ANO8: variants seen among roughly 807,000 people sequenced by gnomAD.
ANO8 encodes the protein anoctamin 8, also known as anoctamin-8.
ANO8 carries 67 observed loss-of-function variants against 120.4 expected under a neutral mutation model. The observed-to-expected ratio is 0.56, with a 90% confidence interval of 0.46 to 0.68. ANO8 has a LOEUF of 0.68. Among genes scored for constraint, ANO8 ranks in the 30% least tolerant of loss-of-function variants. The probability of loss-of-function intolerance (pLI) is 0.00; values close to 1 mark genes in which losing one functional copy is unlikely to be tolerated. For synonymous variants in ANO8, 727 were observed against 759.2 expected (o/e 0.96, Z 0.70); for missense variants, 1,526 against 1,737.6 (o/e 0.88, Z 2.16).
Position 17,333,383 on chromosome 19 carries a change from G to T in ANO8, c.350+39C>A. ...GGCACTTGGTAGAGCGGGGAGTCGGGTGGCAGGCTCAGCGAGAGGCCAGGG... is the reference window on the plus strand; with the variant it reads ...GGCACTTGGTAGAGCGGGGAGTCGGTTGGCAGGCTCAGCGAGAGGCCAGGG... On this transcript the variant is annotated intron_variant, in intron 3 of 17. Coordinates refer to ENST00000159087, the MANE Select transcript of ANO8 (RefSeq NM_020959.3). The surrounding 1 kb of genome is among the most constrained non-coding windows in gnomAD (Gnocchi z 7.2). The T allele has an allele frequency of 1.2e-6, 2 of 1,613,068 alleles. No homozygotes were observed. Among genetic ancestry groups the T allele is most frequent in the Non-Finnish European group, 1.7e-6 (2 of 1,179,702 alleles).
Position 17,332,913 on chromosome 19 carries a change from GA to G in ANO8, c.586+16del, listed in dbSNP as rs761200174. ...CAACTCTCTGCCTGTGATTGGTGTT[GA>G]CCCCGCCCTGCTCACTGATTGGCTG... On this transcript the variant is annotated intron_variant, in intron 5 of 17. Coordinates refer to ENST00000159087, the MANE Select transcript of ANO8 (RefSeq NM_020959.3). 1 of 1,613,392 alleles carries G rather than the reference GA, an allele frequency of 6.2e-7. No homozygotes were observed. Among genetic ancestry groups the G allele is most frequent in the Non-Finnish European group, 8.5e-7 (1 of 1,179,824 alleles).
chr19:17,323,822 G>A lies in ANO8; in HGVS notation c.3394C>T (p.Pro1132Ser). 1 of 1,137,192 alleles carries A rather than the reference G, an allele frequency of 8.8e-7. No homozygotes were observed. The highest frequency in any genetic ancestry group is 4.8e-5 in the Admixed American group (1 of 20,666). The allele number at this position is 1,137,192 out of a possible 1,614,324, so 70.4% of individuals were successfully genotyped here. A position where few individuals can be genotyped will look rare whatever the true frequency, so the allele number is the denominator to read the frequency against. The change falls in exon 18 of 18, where the codon CCG becomes TCG. Residue 1132 changes from proline (P) to serine (S), a missense_variant. Transcript: ENST00000159087. The part of the protein sequence containing the change: ...LRTRRSRSPA[P>S]PPPMPLPRPP... ...CGGGGCAGCGGCATTGGCGGCGGCG[G>A]CGCGGGGCTCCGGCTGCGGCGGGTG...
chr19:17,327,358 CA>C lies in ANO8; in HGVS notation c.2551-14del, dbSNP rs758498116. On this transcript the variant is annotated splice_polypyrimidine_tract_variant and intron_variant, in intron 15 of 17. Transcript: ENST00000159087. ...GCAGAGCGAAGTGCTGCAGGGGTGG[CA>C]GAGAGGAGGCTGCAGGCTGCAGACG... 1.9e-6 allele frequency: 3 copies of C among 1,549,484 alleles called. No individual in the cohort carries two copies. The highest frequency in any genetic ancestry group is 2.6e-6 in the Non-Finnish European group (3 of 1,145,378).
At chr19:17,331,798 T>C (rs970407591) in intron 5 of ANO8, among the ~76,000 whole-genome samples, 5 of 150,704 alleles carry the variant, frequency 3.3e-5, no homozygotes, top group African/African-American at 1.2e-4. Context: ...CACGCCCAGC[T>C]AATTTTTGTA....
In ANO8 at chr19:17,323,778, T is replaced by A; in HGVS notation, c.3438A>T (p.Ala1146=). 2 of 1,170,808 alleles carry A rather than the reference T, an allele frequency of 1.7e-6. No individual in the cohort carries two copies. Among genetic ancestry groups the A allele is most frequent in the East Asian group, 7.5e-5 (2 of 26,836 alleles). 72.5% of individuals were successfully genotyped at this position (1,170,808 alleles called of 1,614,324 possible). A position where few individuals can be genotyped will look rare whatever the true frequency, so the allele number is the denominator to read the frequency against. The change falls in exon 18 of 18, where the codon GCA becomes GCT. Residue 1146 remains alanine (A), a synonymous_variant. Coordinates refer to ENST00000159087, the MANE Select transcript of ANO8 (RefSeq NM_020959.3). ...MPLPRPPTPP[A]GCWQWDGPWG... Reference sequence around the variant, plus strand: ...AGGGCCCGTCCCACTGCCAGCAGCCTGCGGGCGGTGTCGGGGGCCGGGGCA... The same window carrying A: ...AGGGCCCGTCCCACTGCCAGCAGCCAGCGGGCGGTGTCGGGGGCCGGGGCA...
In ANO8 at chr19:17,330,923, C is replaced by T. The variant is rs370611987; in HGVS notation, c.898G>A (p.Glu300Lys). Residue 300 changes from glutamate (E) to lysine (K), a missense_variant, in exon 8 of 18, where the codon GAG becomes AAG. Glu to Lys is a moderately conservative substitution (Grantham distance 56, BLOSUM62 1). Coordinates refer to ENST00000159087, the MANE Select transcript of ANO8 (RefSeq NM_020959.3). ...FNVIWSTLFL[E>K]EWKRRGAELA... is the part of the protein sequence containing the mutation. The stretch of plus-strand genomic sequence containing the variant: ...TCAGCCCCTCTCCGCTTCCATTCCT[C>T]TAGGAACAGCGTCGACCAGATCACG... The T allele has an allele frequency of 2.5e-6, 4 of 1,614,060 alleles. No homozygotes were observed. Among genetic ancestry groups the T allele is most frequent in the Non-Finnish European group, 3.4e-6 (4 of 1,180,040 alleles).
Position 17,333,002 on chromosome 19 carries a change from A to G in ANO8, c.514T>C (p.Trp172Arg). The change falls in exon 5 of 18, where the codon TGG (tryptophan) becomes CGG (arginine). Residue 172 changes from tryptophan to arginine, a missense_variant. By Grantham distance (101) the Trp-to-Arg change is moderately radical. Transcript: ENST00000159087. This position sits in a 1 kb window ranked among gnomAD's most constrained non-coding sequence, Gnocchi z 7.2. ...TGCTTGGCACGCAAATTCTGCAGCC[A>G]GAAGCGGATGATGCTCTGGCGTTCC... is the stretch of plus-strand genomic sequence containing the variant. ...SQERQSIIRF[W>R]LQNLRAKQGE... 7 of 1,614,182 alleles carry G rather than the reference A, an allele frequency of 4.3e-6. No homozygotes were observed. The highest frequency in any genetic ancestry group is 5.9e-6 in the Non-Finnish European group (7 of 1,180,048).
At chr19:17,329,586 G>A (rs1006749609) in intron 12 of ANO8, 171 bp downstream of exon 12, 5 of 618,824 alleles carry the variant, frequency 8.1e-6, no homozygotes, top group Non-Finnish European at 1.1e-5. Flanking sequence ...ATGGGGGGAC[G>A]ACAGGCAGAG....
chr19:17,331,455 G>A (rs762133847), intron 5 of ANO8, 44 bp from the exon 6 acceptor site: 1 of 1,571,262 alleles, frequency 6.4e-7, no homozygotes, highest in Non-Finnish European at 8.7e-7. Flanking sequence ...CTCCACCTGT[G>A]CCTAGCCTGG....
intron 17 of ANO8, among the ~76,000 whole-genome samples, chr19:17,324,432 C>T (rs1252063956): frequency 3.9e-5 from 6 of 152,036 alleles, no homozygotes; most frequent in African/African-American, 1.2e-4. Flanking sequence ...CCTCATCTCT[C>T]CTGGCACCGG....
At position 17,333,607 on chromosome 19, in the gene ANO8, T is replaced by C. The variant is rs1411222514; in HGVS notation, c.218-53A>G. On this transcript the variant is annotated intron_variant, in intron 2 of 17. Transcript: ENST00000159087. The surrounding 1 kb of genome is among the most constrained non-coding windows in gnomAD (Gnocchi z 7.2). ...TCCTGCCACGAGGGGGCCCAAGGCC[T>C]CCTACGTATTCCCGTTCTGGGAAGC... 7.0e-6 allele frequency: 11 copies of C among 1,567,418 alleles called. No homozygotes were observed. The highest frequency in any genetic ancestry group is 2.9e-5 in the African/African-American group (2 of 68,900).
rs1246525832 is a variant in ANO8, at chr19:17,327,453, C to G, written c.2535G>C (p.Ser845=). 1.9e-6 allele frequency: 3 copies of G among 1,611,380 alleles called. No homozygotes were observed. The highest frequency in any genetic ancestry group is 1.1e-5 in the South Asian group (1 of 90,822). Residue 845 remains serine, a synonymous_variant, in exon 15 of 18, where the codon TCG becomes TCC. Coordinates refer to ENST00000159087, the MANE Select transcript of ANO8 (RefSeq NM_020959.3). ...PWLSPEAAIV[S]VVVLEHFALL... is the part of the protein sequence containing the mutation. ...CCGGCCCCACCTCGAGCACTACCAC[C>G]GACACGATGGCTGCCTCCGGGCTCA...
At chr19:17,329,070 C>G (rs2074297899) in intron 12 of ANO8, 87 bp from the exon 13 acceptor site, 3 of 1,095,044 alleles carry the variant, frequency 2.7e-6, no homozygotes, top group African/African-American at 1.7e-5. Context: ...GGGCGCCCCG[C>G]CGGAGCACCG....
At position 17,328,457 on chromosome 19, in the gene ANO8, A is replaced by G. The variant is rs1382182373; in HGVS notation, c.1931T>C (p.Met644Thr). ...EALLEEGSPT[M>T]VEKGLEPGVF... is the part of the protein sequence containing the mutation. ...TCCCGGCTCCAGCCCCTTCTCCACC[A>G]TAGTGGGGCTCCCTTCCTCCAGGAG... is the stretch of plus-strand genomic sequence containing the variant. The change falls in exon 13 of 18, where the codon ATG (methionine) becomes ACG (threonine). Residue 644 changes from methionine to threonine, a missense_variant. Met to Thr is a moderately conservative substitution (Grantham distance 81, BLOSUM62 -1). Transcript: ENST00000159087. 2.6e-6 allele frequency: 4 copies of G among 1,552,252 alleles called. No homozygotes were observed. In the South Asian group the frequency reaches 3.5e-5, roughly 13 times the overall value.
Position 17,325,270 on chromosome 19 carries a change from G to A in ANO8, c.2778C>T (p.Gly926=), listed in dbSNP as rs566629666. The A allele has an allele frequency of 1.2e-6, 2 of 1,608,254 alleles. No individual in the cohort carries two copies. Among genetic ancestry groups the A allele is most frequent in the Admixed American group, 1.7e-5 (1 of 60,010 alleles). ...HHARREHDSG[G]REEARAEGSG... ...AGCCCTCGGCCCTCGCCTCCTCTCG[G>A]CCACCAGAATCATGCTCCCGCCGGG... Residue 926 remains glycine (G), a synonymous_variant, in exon 17 of 18, where the codon GGC becomes GGT. Transcript: ENST00000159087.
chr19:17,329,669 G>T, intron 12 of ANO8, 88 bp downstream of exon 12: 1 of 991,926 alleles, frequency 1.0e-6, no homozygotes. Flanking sequence ...GGAGGGGCTG[G>T]AGAGCCCTTG....
intron 12 of ANO8, 85 bp from the exon 13 acceptor site, chr19:17,329,068 C>T (rs2074297880): frequency 1.8e-6 from 2 of 1,121,258 alleles, no homozygotes; most frequent in East Asian, 3.2e-5. Flanking sequence ...CTGGGCGCCC[C>T]GCCGGAGCAC....
chr19:17,330,045 G>A, intron 10 of ANO8, 31 bp from the exon 11 acceptor site: 1 of 1,613,944 alleles, frequency 6.2e-7, no homozygotes, highest in Non-Finnish European at 8.5e-7. Flanking sequence ...TGAGGGGGCA[G>A]CCGCGGTCCC....
At chr19:17,331,638 G>A (rs992188996) in intron 5 of ANO8, among the ~76,000 whole-genome samples, 1 of 147,692 alleles carries the variant, frequency 6.8e-6, no homozygotes, top group Admixed American at 6.9e-5. Flanking sequence ...GTGGGGTTCT[G>A]GTGAGGAACC....
Sources: allele counts gnomAD v4.1 joint callset (sites outside exome capture counted in the v4.1 genomes callset), GRCh38; gene constraint gnomAD v4.1.1; non-coding constraint Gnocchi (gnomAD v3.1); transcripts MANE v1.5; gene names NCBI Gene and HGNC (gene_info 2026-07-23, HGNC 2026-07-21).